The following NCOA7 variants were observed in gnomAD, a reference collection of about 807,000 sequenced individuals.
The protein encoded by NCOA7 is nuclear receptor coactivator 7, also known as 140 kDa estrogen receptor-associated protein.
A neutral mutation model predicts 104.3 loss-of-function variants in NCOA7; 45 were observed. That is an observed-to-expected ratio of 0.43 (90% confidence interval 0.34 to 0.55). The LOEUF (loss-of-function observed/expected upper bound fraction) is 0.55, where lower values mean the gene tolerates loss of function less well. Among genes scored for constraint, NCOA7 ranks in the 20% least tolerant of loss-of-function variants. The probability of loss-of-function intolerance (pLI) is 0.02; values close to 1 mark genes in which losing one functional copy is unlikely to be tolerated. For missense variants in NCOA7, 1,041 were observed against 1,119.7 expected (o/e 0.93, Z 1.00); for synonymous variants, 398 against 402.3 (o/e 0.99, Z 0.13).
chr6:125,914,578 T>G (rs1786886789), intron 10 of NCOA7, among the ~76,000 whole-genome samples: 1 of 152,220 alleles, frequency 6.6e-6, no homozygotes, highest in African/African-American at 2.4e-5. Flanking sequence ...ATTTAGTGAT[T>G]AGAAGATACT....
intron 3 of NCOA7, among the ~76,000 whole-genome samples, chr6:125,856,080 G>A (rs189979564): frequency 2.6e-5 from 4 of 152,222 alleles, no homozygotes; most frequent in South Asian, 4.1e-4. Context: ...TGCATACATG[G>A]ATTTTGTTTC....
chr6:125,922,225 A>T (rs1454121717), intron 12 of NCOA7, among the ~76,000 whole-genome samples: 1 of 152,260 alleles, frequency 6.6e-6, no homozygotes, highest in Non-Finnish European at 1.5e-5. Flanking sequence ...ATGACACCTG[A>T]CTTCTAACAC....
At chr6:125,830,735 A>ATG (rs779830277) in intron 2 of NCOA7, among the ~76,000 whole-genome samples, 6,141 of 133,330 alleles carry the variant, frequency 0.046, 165 homozygotes, top group Non-Finnish European at 0.067. Context: ...ATATATATAT[A>ATG]TATGTGTGTG....
intron 13 of NCOA7, among the ~76,000 whole-genome samples, chr6:125,925,392 A>G (rs1004862331): frequency 1.3e-5 from 2 of 152,262 alleles, no homozygotes; most frequent in African/African-American, 4.8e-5. Flanking sequence ...CTTTCTGGAG[A>G]CAGGGTAAAC....
At chr6:125,903,745 A>C (rs1785715395) in intron 10 of NCOA7, among the ~76,000 whole-genome samples, 1 of 147,414 alleles carries the variant, frequency 6.8e-6, no homozygotes, top group East Asian at 2.0e-4. Context: ...TTGCTCTGTC[A>C]CCCAGGCTGG....
chr6:125,895,609 G>C (rs997900774), intron 10 of NCOA7, among the ~76,000 whole-genome samples: 2 of 152,140 alleles, frequency 1.3e-5, no homozygotes, highest in Non-Finnish European at 1.5e-5. Context: ...AGGTTTAACT[G>C]GCACACAGTT....
chr6:125,806,063 G>A (rs538848457), intron 1 of NCOA7, among the ~76,000 whole-genome samples: 6 of 152,234 alleles, frequency 3.9e-5, no homozygotes, highest in Admixed American at 1.3e-4. Context: ...CCTTTCAGCC[G>A]GGCACAATGG....
At chr6:125,852,041 C>A (rs1457295645) in intron 2 of NCOA7, among the ~76,000 whole-genome samples, 1 of 152,022 alleles carries the variant, frequency 6.6e-6, no homozygotes, top group Non-Finnish European at 1.5e-5. Context: ...CCCATTCTGT[C>A]TGTTTACTCT....
chr6:125,786,499 C>T (rs1774468590), upstream of NCOA7, among the ~76,000 whole-genome samples: 1 of 151,842 alleles, frequency 6.6e-6, no homozygotes, highest in Non-Finnish European at 1.5e-5. Flanking sequence ...TTATACATCA[C>T]ATATGTACAT....
At chr6:125,870,768 A>G (rs2128635294) in intron 3 of NCOA7, among the ~76,000 whole-genome samples, 1 of 152,210 alleles carries the variant, frequency 6.6e-6, no homozygotes, top group South Asian at 2.1e-4. Flanking sequence ...AGGATCTTAG[A>G]GTCTTGTGTT....
intron 7 of NCOA7, among the ~76,000 whole-genome samples, chr6:125,883,896 T>C (rs1012118129): frequency 1.4e-4 from 21 of 152,096 alleles, no homozygotes; most frequent in African/African-American, 5.1e-4. Flanking sequence ...ATTTTATATT[T>C]TTAGTAGAGA....
chr6:125,810,040 C>T (rs1243202442), intron 1 of NCOA7: 2 of 152,218 alleles, frequency 1.3e-5, no homozygotes, highest in African/African-American at 4.8e-5. Context: ...CTGGTGTACA[C>T]TCCAGTGTCT....
chr6:125,925,518 C>G (rs980003614), intron 13 of NCOA7, among the ~76,000 whole-genome samples: 3 of 152,158 alleles, frequency 2.0e-5, no homozygotes, highest in African/African-American at 7.2e-5. Flanking sequence ...AATCATCAGG[C>G]AATTAATAGA....
chr6:125,872,809 A>G (rs1196780695), intron 3 of NCOA7, among the ~76,000 whole-genome samples: 1 of 152,238 alleles, frequency 6.6e-6, no homozygotes, highest in Non-Finnish European at 1.5e-5. Flanking sequence ...GGAGATCTAA[A>G]AACATAGTCA....
At chr6:125,894,590 A>G (rs1379029217) in intron 10 of NCOA7, among the ~76,000 whole-genome samples, 1 of 152,224 alleles carries the variant, frequency 6.6e-6, no homozygotes. Context: ...TTAAAGTTCA[A>G]TGCAGAGGAT....
chr6:125,831,675 G>A (rs1779195959), intron 2 of NCOA7, among the ~76,000 whole-genome samples: 1 of 152,096 alleles, frequency 6.6e-6, no homozygotes, highest in Non-Finnish European at 1.5e-5. Context: ...CTAAAAATAG[G>A]ATTGGACTAG....
At chr6:125,805,424 A>G (rs930453096) in intron 1 of NCOA7, among the ~76,000 whole-genome samples, 1 of 152,084 alleles carries the variant, frequency 6.6e-6, no homozygotes, top group African/African-American at 2.4e-5. Context: ...CTGTGGTTAA[A>G]TCCAGGAAGA....
intron 12 of NCOA7, among the ~76,000 whole-genome samples, chr6:125,921,869 A>G (rs1315465044): frequency 6.6e-6 from 1 of 152,174 alleles, no homozygotes; most frequent in African/African-American, 2.4e-5. Context: ...CTTGAAATTC[A>G]TGAAATATTA....
chr6:125,806,174 C>T (rs1168865161), intron 1 of NCOA7, among the ~76,000 whole-genome samples: 3 of 152,176 alleles, frequency 2.0e-5, no homozygotes, highest in Non-Finnish European at 4.4e-5. Flanking sequence ...AACCCCATCT[C>T]TACTAAAAAT....
Sources: gnomAD v4.1 joint callset for allele counts (sites outside exome capture counted in the v4.1 genomes callset) on GRCh38, gnomAD v4.1.1 for gene constraint, MANE v1.5 for transcripts, NCBI Gene and HGNC (gene_info 2026-07-23, HGNC 2026-07-21) for gene names.